The following HLCS variants were observed in gnomAD, a reference collection of about 807,000 sequenced individuals.
HLCS encodes biotin--protein ligase.
Under a neutral mutation model 75.0 loss-of-function variants are expected in HLCS, and 53 were observed. The observed-to-expected ratio is 0.71, with a 90% CI of 0.57 to 0.89. HLCS has a LOEUF of 0.89. HLCS is among the 40% of genes least tolerant of loss of function. The pLI, the probability that HLCS is intolerant of heterozygous loss-of-function variation, is 0.00. For missense variants in HLCS, 966 were observed against 1,074.0 expected, an observed-to-expected ratio of 0.90 and a Z score of 1.41; for synonymous variants, 431 against 428.6, an observed-to-expected ratio of 1.01 and a Z score of -0.07.
intron 8 of HLCS, among the ~76,000 whole-genome samples, chr21:36,763,747 A>AT (rs1601134535): frequency 6.6e-6 from 1 of 152,322 alleles, no homozygotes; most frequent in East Asian, 1.9e-4. Context: ...TTCCAGGAAC[A>AT]TTTGGGAGGG....
chr21:36,839,876 A>G (rs2062557414), intron 6 of HLCS, among the ~76,000 whole-genome samples: 1 of 152,238 alleles, frequency 6.6e-6, no homozygotes, highest in Admixed American at 6.5e-5. Flanking sequence ...ACAAATTCTA[A>G]CGTTAACATT....
rs2146670305 is a variant in HLCS, at chr21:36,962,660, G to A, written c.196-490C>T. Among the ~76,000 whole-genome samples the A allele has an allele frequency of 2.0e-5, 3 of 152,070 alleles. No individual in the cohort carries two copies. The Middle Eastern group carries it at 0.01, about 517-fold the overall frequency. On this transcript the variant is annotated intron_variant, in intron 1 of 10. Transcript: ENST00000674895. ...CCAAAAAAATGAGTTGGGCATGGGG[G>A]TGGGTGCCTGTAGTCCCAGCTACTC...
rs2089446420 is a variant in HLCS, at chr21:36,753,690, C to CA, written c.*555dup. 1 of 165,964 alleles carries CA rather than the reference C, an allele frequency of 6.0e-6. No homozygotes were observed. The highest frequency in any genetic ancestry group is 1.3e-5 in the Non-Finnish European group (1 of 76,276). 10.3% of individuals were successfully genotyped at this position (165,964 alleles called of 1,614,324 possible). On this transcript the variant is annotated 3_prime_UTR_variant, in exon 11 of 11. Coordinates refer to ENST00000674895, the MANE Select transcript of HLCS (RefSeq NM_001352514.2). This position sits in a 1 kb window ranked among gnomAD's most constrained non-coding sequence, Gnocchi z 4.3. ...AGGCATTTAGACTTCGCTATGGGGC[C>CA]ACACCACCGGGTGGACAGTAACTCT...
At chr21:36,886,294 G>C (rs1382751078) in intron 6 of HLCS, among the ~76,000 whole-genome samples, 2 of 151,948 alleles carry the variant, frequency 1.3e-5, no homozygotes, top group African/African-American at 4.8e-5. Context: ...TTAGCCGGGC[G>C]TGGTAGCAGG....
chr21:36,896,984 T>A lies in HLCS; in HGVS notation c.1768A>T (p.Met590Leu). The change falls in exon 6 of 11, where the codon ATG (methionine) becomes TTG (leucine). Residue 590 changes from methionine (M) to leucine (L), a missense_variant. Met to Leu is a conservative substitution (Grantham distance 15, BLOSUM62 2). Transcript: ENST00000674895. ...TPSCIPVVTNMEAFSSEHFNL... is the reference protein window; with the variant it reads ...TPSCIPVVTNLEAFSSEHFNL... ...AAATGTTCTGATGAGAAGGCCTCCA[T>A]GTTGGTCACCACAGGTATACAAGAT... 1 of 1,614,214 alleles carries A rather than the reference T, an allele frequency of 6.2e-7. No individual in the cohort carries two copies. The highest frequency in any genetic ancestry group is 8.5e-7 in the Non-Finnish European group (1 of 1,180,036).
chr21:36,947,454 G>C (rs1436138074), intron 2 of HLCS: 1 of 985,190 alleles, frequency 1.0e-6, no homozygotes, highest in Non-Finnish European at 1.2e-6. Flanking sequence ...CGTCGTCCAG[G>C]GTGTTTGCCT....
intron 6 of HLCS, among the ~76,000 whole-genome samples, chr21:36,855,536 TAAAAAAAAAAA>T (rs71901243): frequency 2.6e-5 from 2 of 75,634 alleles, no homozygotes; most frequent in African/African-American, 9.5e-5. Flanking sequence ...AGACTCCATC[TAAAAAAAAAAA>T]AAAAAAAAAA....
At chr21:36,961,258 G>A (rs1394097207) in intron 2 of HLCS, among the ~76,000 whole-genome samples, 1 of 152,188 alleles carries the variant, frequency 6.6e-6, no homozygotes, top group Non-Finnish European at 1.5e-5. Context: ...GGTTGATTTA[G>A]GAAGCAAGAA....
chr21:36,792,032 AG>A (rs1287078874), intron 6 of HLCS, among the ~76,000 whole-genome samples: 2 of 152,136 alleles, frequency 1.3e-5, no homozygotes, highest in Non-Finnish European at 2.9e-5. Flanking sequence ...CCACACAGAC[AG>A]GAACAAGCGA....
At chr21:36,837,801 T>C (rs2062465789) in intron 6 of HLCS, among the ~76,000 whole-genome samples, 1 of 152,094 alleles carries the variant, frequency 6.6e-6, no homozygotes, top group Non-Finnish European at 1.5e-5. Flanking sequence ...CTGGGTGGGC[T>C]CGGTCCAGCC....
At chr21:36,814,610 C>T (rs1267896401) in intron 6 of HLCS, among the ~76,000 whole-genome samples, 1 of 152,092 alleles carries the variant, frequency 6.6e-6, no homozygotes, top group Non-Finnish European at 1.5e-5. Flanking sequence ...GAAAAGGCAG[C>T]TCTAAGAAGG....
chr21:36,939,954 C>T (rs2067068664), intron 2 of HLCS, among the ~76,000 whole-genome samples: 1 of 152,164 alleles, frequency 6.6e-6, no homozygotes, highest in African/African-American at 2.4e-5. Flanking sequence ...GGGGCTGAGG[C>T]AGGAGAATCG....
At chr21:36,815,536 G>C (rs1203478996) in intron 6 of HLCS, among the ~76,000 whole-genome samples, 3 of 152,188 alleles carry the variant, frequency 2.0e-5, no homozygotes, top group Non-Finnish European at 4.4e-5. Context: ...TTATTACTGA[G>C]AAACAGAGCA....
intron 5 of HLCS, among the ~76,000 whole-genome samples, chr21:36,910,273 A>G (rs1479567172): frequency 6.6e-6 from 1 of 152,228 alleles, no homozygotes; most frequent in African/African-American, 2.4e-5. Flanking sequence ...GGCCGGGCGC[A>G]GTGGCTAATG....
Position 36,937,174 on chromosome 21 carries a change from T to C in HLCS, c.712A>G (p.Arg238Gly). Residue 238 changes from arginine to glycine, a missense_variant, in exon 4 of 11, where the codon AGG becomes GGG. Coordinates refer to ENST00000674895, the MANE Select transcript of HLCS (RefSeq NM_001352514.2). ...TAATGCTCAACGGGGCCCCCTCCCC[T>C]GTCACTGTCCCCAGCAGGCTCACTC... ...SGSEPAGDSD[R>G]GGGPVEHYHL... 1 of 1,614,166 alleles carries C rather than the reference T, an allele frequency of 6.2e-7. No individual in the cohort carries two copies. The highest frequency in any genetic ancestry group is 1.1e-5 in the South Asian group (1 of 91,076).
rs142398584 is a variant in HLCS, at chr21:36,768,839, T to A, written c.1893-1554A>T. Among the ~76,000 whole-genome samples, 10 of 152,270 alleles carry A rather than the reference T, an allele frequency of 6.6e-5. No individual in the cohort carries two copies. In the East Asian group the frequency reaches 1.9e-3, roughly 29 times the overall value. On this transcript the variant is annotated intron_variant, in intron 6 of 10. Coordinates refer to ENST00000674895, the MANE Select transcript of HLCS (RefSeq NM_001352514.2). The stretch of plus-strand genomic sequence containing the variant: ...TTTCTTGTGTTGGACCAGCAGAAAA[T>A]CTAAGAAGGAGTCTTTGTCTGTGCA...
At chr21:36,979,282 AAAAAAAG>A (rs1035061862) in intron 1 of HLCS, among the ~76,000 whole-genome samples, 2 of 144,786 alleles carry the variant, frequency 1.4e-5, no homozygotes, top group African/African-American at 2.8e-5. Context: ...CAAAAAAAAA[AAAAAAAG>A]AAAGAAAGAA....
chr21:36,867,188 C>T (rs2063588277), intron 6 of HLCS, among the ~76,000 whole-genome samples: 1 of 152,128 alleles, frequency 6.6e-6, no homozygotes, highest in African/African-American at 2.4e-5. Context: ...GGGCAGAGTT[C>T]CTCGATGGGC....
At chr21:36,790,856 T>C (rs1480718275) in intron 6 of HLCS, among the ~76,000 whole-genome samples, 1 of 152,112 alleles carries the variant, frequency 6.6e-6, no homozygotes, top group Non-Finnish European at 1.5e-5. Context: ...TGGTGTTCTC[T>C]CCGTGGAAAA....
Sources: gnomAD v4.1 joint callset for allele counts (sites outside exome capture counted in the v4.1 genomes callset) on GRCh38, gnomAD v4.1.1 for gene constraint, Gnocchi (gnomAD v3.1) non-coding constraint, MANE v1.5 for transcripts, NCBI Gene and HGNC (gene_info 2026-07-23, HGNC 2026-07-21) for gene names.